USP54: variants seen among roughly 807,000 people sequenced by gnomAD.
The protein encoded by USP54 is ubiquitin specific peptidase 54, also known as ubiquitin carboxyl-terminal hydrolase 54.
USP54 carries 87 observed loss-of-function variants against 170.5 expected under a neutral mutation model. The observed-to-expected ratio is 0.51, with a 90% CI of 0.43 to 0.61. The LOEUF (loss-of-function observed/expected upper bound fraction) is 0.61. Among genes scored for constraint, USP54 ranks in the 20% least tolerant of loss-of-function variants. USP54 has a pLI of 0.00. For synonymous variants in USP54, 655 were observed against 742.8 expected (o/e 0.88, Z 1.92); for missense variants, 1,786 against 2,047.8 (o/e 0.87, Z 2.47).
chr10:73,511,439 T>A (rs934058249), intron 20 of USP54, among the ~76,000 whole-genome samples: 1 of 151,974 alleles, frequency 6.6e-6, no homozygotes, highest in Non-Finnish European at 1.5e-5. Flanking sequence ...GGCAGGTGGA[T>A]TGCTTGAGCT....
intron 20 of USP54, among the ~76,000 whole-genome samples, chr10:73,514,301 G>A (rs1333387094): frequency 5.3e-5 from 8 of 151,642 alleles, no homozygotes; most frequent in Non-Finnish European, 8.8e-5. Flanking sequence ...GGTGGCTCAC[G>A]TGTATAATCC....
chr10:73,509,165 C>T (rs2059793483), intron 20 of USP54, among the ~76,000 whole-genome samples: 1 of 139,960 alleles, frequency 7.1e-6, no homozygotes, highest in South Asian at 2.4e-4. Context: ...ATATGTGTGT[C>T]TTGTTTGAAT....
Position 73,538,489 on chromosome 10 carries a change from TC to T in USP54, c.975+954del, listed in dbSNP as rs1421607253. 3 of 151,140 alleles carry T rather than the reference TC, an allele frequency of 2.0e-5. No individual in the cohort carries two copies. In the East Asian group the frequency reaches 5.8e-4, roughly 29 times the overall value. 9.4% of individuals were successfully genotyped at this position (151,140 alleles called of 1,614,324 possible). A position where few individuals can be genotyped will look rare whatever the true frequency, so the allele number is the denominator to read the frequency against. On this transcript the variant is annotated intron_variant, in intron 10 of 23. Coordinates refer to ENST00000687698, the MANE Select transcript of USP54 (RefSeq NM_001391956.1). ...TCTCAGGACTGAAGAAAAACTATTT[TC>T]TAGAAAAAAAAAAAGGAGATTATAG...
rs528083770 is a variant in USP54, at chr10:73,524,229, T to C, written c.2195-479A>G. On this transcript the variant is annotated intron_variant, in intron 16 of 23. Transcript: ENST00000687698. ...CTGGCCCAATTTGGAGCTTATATTTTGGATAATGCTTTCCATAATTAGATT... is the reference window on the plus strand; with the variant it reads ...CTGGCCCAATTTGGAGCTTATATTTCGGATAATGCTTTCCATAATTAGATT... 3.9e-5 allele frequency among the ~76,000 whole-genome samples: 6 copies of C among 152,096 alleles called. No homozygotes were observed. The East Asian group carries it at 9.7e-4, about 25-fold the overall frequency.
chr10:73,616,588 T>C (rs1464370579), intron 1 of USP54, among the ~76,000 whole-genome samples: 1 of 150,006 alleles, frequency 6.7e-6, no homozygotes, highest in East Asian at 1.9e-4. Context: ...CAAACCACCA[T>C]GGCACACATT....
At chr10:73,586,951 G>T (rs1396129130) in intron 1 of USP54, among the ~76,000 whole-genome samples, 1 of 152,100 alleles carries the variant, frequency 6.6e-6, no homozygotes, top group African/African-American at 2.4e-5. Flanking sequence ...TCCTGCACAA[G>T]AACTTAGATA....
At chr10:73,601,952 T>G (rs191736023) in intron 1 of USP54, among the ~76,000 whole-genome samples, 1 of 152,226 alleles carries the variant, frequency 6.6e-6, no homozygotes, top group East Asian at 1.9e-4. Flanking sequence ...ACTGTTTGTT[T>G]CAACAGCCCC....
intron 9 of USP54, among the ~76,000 whole-genome samples, chr10:73,540,112 A>C (rs374515671): frequency 1.3e-5 from 2 of 151,858 alleles, no homozygotes; most frequent in East Asian, 3.9e-4. Flanking sequence ...ATCTCAAAAA[A>C]AGAAAGAAAG....
intron 20 of USP54, among the ~76,000 whole-genome samples, chr10:73,509,105 C>CAAAAA (rs34441562): frequency 4.2e-5 from 2 of 47,282 alleles, no homozygotes; most frequent in Non-Finnish European, 9.0e-5. Flanking sequence ...ATCATACTGG[C>CAAAAA]AAAAAAAAAA....
intron 19 of USP54, chr10:73,518,718 A>ATTT (rs772422371): frequency 1.2e-3 from 154 of 130,930 alleles, no homozygotes; most frequent in African/African-American, 3.9e-3. Context: ...TAGACCTGCA[A>ATTT]TTTTTTTTTT....
In USP54 at chr10:73,500,926, G is replaced by C. The variant is rs1239544367; in HGVS notation, c.4312-88C>G. 8 of 1,373,652 alleles carry C rather than the reference G, an allele frequency of 5.8e-6. No individual in the cohort carries two copies. In the East Asian group the frequency reaches 2.2e-4, roughly 37 times the overall value. 85.1% of individuals were successfully genotyped at this position (1,373,652 alleles called of 1,614,324 possible). A position where few individuals can be genotyped will look rare whatever the true frequency, so the allele number is the denominator to read the frequency against. On this transcript the variant is annotated intron_variant, in intron 22 of 23. Transcript: ENST00000687698. ...GGGTAAACACAGTGAGGCAAGCAAAGGGAAATGGAGGGAACCAGAGCACAA... is the reference window on the plus strand; with the variant it reads ...GGGTAAACACAGTGAGGCAAGCAAACGGAAATGGAGGGAACCAGAGCACAA...
At chr10:73,568,499 A>G (rs2074334282) in intron 4 of USP54, among the ~76,000 whole-genome samples, 1 of 152,208 alleles carries the variant, frequency 6.6e-6, no homozygotes, top group Admixed American at 6.5e-5. Flanking sequence ...TAATTAAAAG[A>G]ATAGAAACAA....
At chr10:73,592,825 A>C (rs1391900054), upstream of USP54, among the ~76,000 whole-genome samples, 1 of 152,182 alleles carries the variant, frequency 6.6e-6, no homozygotes, top group Non-Finnish European at 1.5e-5. Flanking sequence ...ATCTCACTCT[A>C]ATAGATTGTA....
rs781415469 is a variant in USP54 at position 73,498,609 on chromosome 10, G to A, written c.*20C>T. Reference sequence around the variant, plus strand: ...TTTTACAAAGAAAGGTGTAGCTCCAGGAAAGGAAAGGAATAACCTTTACCA... The same window carrying A: ...TTTTACAAAGAAAGGTGTAGCTCCAAGAAAGGAAAGGAATAACCTTTACCA... On this transcript the variant is annotated 3_prime_UTR_variant, in exon 24 of 24. Transcript: ENST00000687698. The A allele has an allele frequency of 2.0e-6, 3 of 1,511,746 alleles. No individual in the cohort carries two copies. The highest frequency in any genetic ancestry group is 2.8e-5 in the African/African-American group (2 of 71,590). The allele number at this position is 1,511,746 out of a possible 1,614,324, so 93.6% of individuals were successfully genotyped here. A position where few individuals can be genotyped will look rare whatever the true frequency, so the allele number is the denominator to read the frequency against.
At chr10:73,571,154 A>G (rs1168358088) in intron 4 of USP54, among the ~76,000 whole-genome samples, 1 of 146,674 alleles carries the variant, frequency 6.8e-6, no homozygotes, top group African/African-American at 2.7e-5. Context: ...AAAAAAAAAA[A>G]AAAAAAAAAG....
Position 73,560,663 on chromosome 10 carries a change from CAA to C in USP54, c.240+10756_240+10757del, listed in dbSNP as rs751168962. 9.7e-4 allele frequency among the ~76,000 whole-genome samples: 16 copies of C among 16,470 alleles called. No homozygotes were observed. In the South Asian group the frequency reaches 0.02, roughly 21 times the overall value. 10.8% of individuals were successfully genotyped at this position (16,470 alleles called of 152,430 possible). A position where few individuals can be genotyped will look rare whatever the true frequency, so the allele number is the denominator to read the frequency against. Reference sequence around the variant, plus strand: ...TGGGTGACAGTGCAAAACTCCGTCTCAAAAAAAAAAAAAAAAAAAAAAAAAAG... The same window carrying C: ...TGGGTGACAGTGCAAAACTCCGTCTCAAAAAAAAAAAAAAAAAAAAAAAAG... On this transcript the variant is annotated intron_variant, in intron 4 of 23. Transcript: ENST00000687698.
chr10:73,513,397 G>A (rs111818162), intron 20 of USP54: 10,636 of 151,944 alleles, frequency 0.07, 612 homozygotes, highest in East Asian at 0.3. Context: ...CCCGGGAGGC[G>A]GAGGTTGCAG....
chr10:73,535,319 A>G (rs1463259334), intron 11 of USP54, among the ~76,000 whole-genome samples: 1 of 152,106 alleles, frequency 6.6e-6, no homozygotes, highest in Non-Finnish European at 1.5e-5. Context: ...TAAGCATAAT[A>G]GGACAAATGG....
chr10:73,520,878 G>T, intron 18 of USP54, 30 bp downstream of exon 18: 1 of 1,613,696 alleles, frequency 6.2e-7, no homozygotes, highest in Non-Finnish European at 8.5e-7. Flanking sequence ...AGTCAAAAGT[G>T]CCACAGCCAT....
Sources: allele counts gnomAD v4.1 joint callset (sites outside exome capture counted in the v4.1 genomes callset), GRCh38; gene constraint gnomAD v4.1.1; transcripts MANE v1.5; gene names NCBI Gene and HGNC (gene_info 2026-07-23, HGNC 2026-07-21).